Variants in BCAR1 observed in about 807,000 individuals in gnomAD.
BCAR1 encodes breast cancer anti-estrogen resistance protein 1.
In BCAR1, 30 loss-of-function variants were observed where a neutral mutation model predicts 67.6. The observed-to-expected ratio is 0.44, with a 90% CI of 0.33 to 0.60. The LOEUF (loss-of-function observed/expected upper bound fraction) is 0.60. BCAR1 is among the 20% of genes least tolerant of loss of function. The probability of loss-of-function intolerance (pLI) is 0.02; values close to 1 mark genes in which losing one functional copy is unlikely to be tolerated. For missense variants in BCAR1, 1,313 were observed against 1,222.3 expected, an observed-to-expected ratio of 1.07 and a Z score of -1.11; for synonymous variants, 626 against 556.7, an observed-to-expected ratio of 1.12 and a Z score of -1.75.
chr16:75,252,668 G>C (rs75376760), upstream of BCAR1, among the ~76,000 whole-genome samples: 573 of 152,348 alleles, frequency 3.8e-3, 4 homozygotes, highest in African/African-American at 9.7e-3. Flanking sequence ...AGGCAGCCCT[G>C]GTGGCAGGGA....
chr16:75,261,597 C>T (rs1044642155), intron 1 of BCAR1, among the ~76,000 whole-genome samples: 2 of 152,256 alleles, frequency 1.3e-5, no homozygotes, highest in Admixed American at 6.5e-5. Context: ...TGCATAGATG[C>T]GATGGGGCCA....
At chr16:75,242,321 A>C (rs1163508370) in intron 2 of BCAR1, 149 bp downstream of exon 2, 1 of 1,250,266 alleles carries the variant, frequency 8.0e-7, no homozygotes, top group Non-Finnish European at 1.0e-6. Flanking sequence ...AACACCCCCC[A>C]AACACTCACT....
intron 4 of BCAR1, chr16:75,236,543 G>C: frequency 4.7e-6 from 2 of 429,076 alleles, no homozygotes; most frequent in Non-Finnish European, 8.2e-6. Context: ...GCCCAGGACA[G>C]TGCTGGTTTG....
chr16:75,262,705 C>A (rs895875245), intron 1 of BCAR1, among the ~76,000 whole-genome samples: 8 of 152,216 alleles, frequency 5.3e-5, no homozygotes, highest in African/African-American at 1.9e-4. Context: ...GGCACAGAGC[C>A]AGTTCCAGGA....
rs1262348019 is a variant in BCAR1 at position 75,229,328 on chromosome 16, A to C, written c.*183T>G. The stretch of plus-strand genomic sequence containing the variant: ...GGCCCCTGGGCTTCGGCTCCTGAGG[A>C]GGCATGGCCCCACACCCTGCCCGGC... On this transcript the variant is annotated 3_prime_UTR_variant, in exon 7 of 7. Coordinates refer to ENST00000162330, the MANE Select transcript of BCAR1 (RefSeq NM_014567.5). 3.0e-6 allele frequency: 3 copies of C among 1,007,346 alleles called. No homozygotes were observed. The highest frequency in any genetic ancestry group is 3.3e-5 in the African/African-American group (2 of 61,030). The allele number at this position is 1,007,346 out of a possible 1,614,324, so 62.4% of individuals were successfully genotyped here. A position where few individuals can be genotyped will look rare whatever the true frequency, so the allele number is the denominator to read the frequency against.
At chr16:75,257,962 T>G (rs1241428644) in intron 1 of BCAR1, among the ~76,000 whole-genome samples, 1 of 152,210 alleles carries the variant, frequency 6.6e-6, no homozygotes, top group African/African-American at 2.4e-5. Flanking sequence ...ACTGTACTGC[T>G]CAGGTTTCAG....
chr16:75,234,578 C>T (rs79863684), intron 5 of BCAR1, among the ~76,000 whole-genome samples: 2,074 of 152,318 alleles, frequency 0.014, 42 homozygotes, highest in African/African-American at 0.047. Flanking sequence ...CACCTCCCAC[C>T]ACCTCCTGCT....
rs115714854 is a variant in BCAR1, at chr16:75,241,126, G to T, written c.633+1344C>A. On this transcript the variant is annotated intron_variant, in intron 2 of 6. Transcript: ENST00000162330. ...GGATACTGGTGGGTGCACACGCTTT[G>T]TATGTGTGGACGTACACGTGTCTGT... 3.6e-3 allele frequency among the ~76,000 whole-genome samples: 544 copies of T among 152,370 alleles called. 4 individuals carry two copies. The highest frequency in any genetic ancestry group is 9.0e-3 in the African/African-American group (373 of 41,586).
chr16:75,238,431 G>A (rs1043312861), intron 2 of BCAR1: 7 of 1,029,932 alleles, frequency 6.8e-6, no homozygotes, highest in Non-Finnish European at 8.2e-6. Flanking sequence ...GGGCAGCAGC[G>A]CCAAAGCAGC....
At chr16:75,236,092 A>T in intron 4 of BCAR1, 106 bp from the exon 5 acceptor site, 1 of 1,393,004 alleles carries the variant, frequency 7.2e-7, no homozygotes, top group Non-Finnish European at 9.5e-7. Context: ...ACACATACAG[A>T]CACACACACA....
chr16:75,255,378 G>A (rs530398539), upstream of BCAR1, among the ~76,000 whole-genome samples: 15 of 152,262 alleles, frequency 9.9e-5, no homozygotes, highest in African/African-American at 3.4e-4. Flanking sequence ...ATCTCTGGAG[G>A]GCCAATGAGA....
At position 75,242,746 on chromosome 16, in the gene BCAR1, A is replaced by T. The variant is rs1311120929; in HGVS notation, c.357T>A (p.Thr119=). 3 of 1,587,966 alleles carry T rather than the reference A, an allele frequency of 1.9e-6. No homozygotes were observed. Among genetic ancestry groups the T allele is most frequent in the Admixed American group, 3.5e-5 (2 of 57,426 alleles). The change falls in exon 2 of 7, where the codon ACT becomes ACA. Residue 119 remains threonine (T), a synonymous_variant. Coordinates refer to ENST00000162330, the MANE Select transcript of BCAR1 (RefSeq NM_014567.5). ...PQPDSVYLVP[T]PSKAQQGLYQ... The stretch of plus-strand genomic sequence containing the variant: ...AGAGGCCTTGCTGAGCCTTGCTGGG[A>T]GTGGGCACCAGGTAGACGCTGTCTG...
At chr16:75,262,268 A>C (rs2077921105) in intron 1 of BCAR1, among the ~76,000 whole-genome samples, 1 of 152,194 alleles carries the variant, frequency 6.6e-6, no homozygotes, top group Non-Finnish European at 1.5e-5. Context: ...CCACATACTC[A>C]GCAGGCGGCC....
chr16:75,253,756 G>A (rs1567620338), upstream of BCAR1, among the ~76,000 whole-genome samples: 1 of 149,906 alleles, frequency 6.7e-6, no homozygotes, highest in Non-Finnish European at 1.5e-5. Flanking sequence ...GGTGGGGGAG[G>A]AGCACCCACT....
At chr16:75,265,996 CGCGCCGCGCAT>C (rs1316663589) in intron 1 of BCAR1, 2 of 1,041,630 alleles carry the variant, frequency 1.9e-6, no homozygotes, top group Admixed American at 5.5e-5. Context: ...CCGCTCCAGC[CGCGCCGCGCAT>C]GCGCCGCCCG....
intron 2 of BCAR1, among the ~76,000 whole-genome samples, chr16:75,242,123 T>A (rs551529958): frequency 6.6e-6 from 1 of 152,292 alleles, no homozygotes; most frequent in South Asian, 2.1e-4. Context: ...GAGCATGAAG[T>A]GGCTGGCCTC....
intron 1 of BCAR1, chr16:75,250,798 C>T: frequency 1.0e-6 from 1 of 985,552 alleles, no homozygotes. Context: ...CTGGCCCCCT[C>T]CCGCGACACT....
intron 4 of BCAR1, chr16:75,236,304 G>A: frequency 2.2e-6 from 1 of 455,656 alleles, no homozygotes; most frequent in South Asian, 3.5e-5. Context: ...AGAATTGCAT[G>A]TGTTAATTCA....
chr16:75,257,621 A>T (rs2077809692), intron 1 of BCAR1, among the ~76,000 whole-genome samples: 1 of 152,004 alleles, frequency 6.6e-6, no homozygotes, highest in Admixed American at 6.6e-5. Context: ...TGCCTGGCTA[A>T]TTTTTTTATT....
Sources: allele counts gnomAD v4.1 joint callset (sites outside exome capture counted in the v4.1 genomes callset), GRCh38; gene constraint gnomAD v4.1.1; transcripts MANE v1.5; gene names NCBI Gene and HGNC (gene_info 2026-07-23, HGNC 2026-07-21).